Variants in GALNT5 observed in about 807,000 individuals in gnomAD.
The protein encoded by GALNT5 is polypeptide N-acetylgalactosaminyltransferase 5, also known as UDP-GalNAc:polypeptide N-acetylgalactosaminyltransferase 5.
GALNT5 carries 72 observed loss-of-function variants against 85.4 expected under a neutral mutation model. The ratio of observed to expected loss-of-function variants is 0.84; its 90% confidence interval spans 0.70 to 1.03. GALNT5 has a LOEUF of 1.03. Among genes scored for constraint, GALNT5 ranks in the 50% least tolerant of loss-of-function variants. The probability of loss-of-function intolerance (pLI) is 0.00; values close to 1 mark genes in which losing one functional copy is unlikely to be tolerated. For synonymous variants in GALNT5, 404 were observed against 397.0 expected (o/e 1.02, Z -0.21); for missense variants, 1,137 against 1,135.5 (o/e 1.00, Z -0.02).
intron 3 of GALNT5, among the ~76,000 whole-genome samples, chr2:157,294,402 C>T (rs1295266105): frequency 2.0e-5 from 3 of 152,086 alleles, no homozygotes; most frequent in South Asian, 2.1e-4. Flanking sequence ...AGTAAGAAAG[C>T]GAAAGGCTAG....
intron 1 of GALNT5, among the ~76,000 whole-genome samples, chr2:157,265,180 T>A (rs754707530): frequency 1.1e-4 from 17 of 152,198 alleles, no homozygotes; most frequent in Non-Finnish European, 2.5e-4. Context: ...CACAGTACTC[T>A]TTTTCACTCA....
At chr2:157,259,949 A>C (rs1682301729) in intron 1 of GALNT5, among the ~76,000 whole-genome samples, 1 of 152,234 alleles carries the variant, frequency 6.6e-6, no homozygotes, top group African/African-American at 2.4e-5. Context: ...TTTGGGAAAG[A>C]AGCACACAGA....
Position 157,311,387 on chromosome 2 carries a change from A to T in GALNT5, c.*39A>T. The T allele has an allele frequency of 1.5e-6, 2 of 1,331,790 alleles. No individual in the cohort carries two copies. The highest frequency in any genetic ancestry group is 2.1e-6 in the Non-Finnish European group (2 of 963,376). The allele number at this position is 1,331,790 out of a possible 1,614,324, so 82.5% of individuals were successfully genotyped here. A position where few individuals can be genotyped will look rare whatever the true frequency, so the allele number is the denominator to read the frequency against. On this transcript the variant is annotated 3_prime_UTR_variant, in exon 10 of 10. Transcript: ENST00000259056. ...TTTTTATATAGTAAACCCATTAAAT[A>T]CTGTGAAAATAACACTGAACTTGGA...
chr2:157,266,585 T>TTG (rs571376073), intron 1 of GALNT5, among the ~76,000 whole-genome samples: 3 of 152,110 alleles, frequency 2.0e-5, no homozygotes, highest in Non-Finnish European at 2.9e-5. Context: ...GTGTGTGTGT[T>TTG]TGTGTGTGTG....
chr2:157,268,890 T>C (rs917193584), intron 1 of GALNT5, among the ~76,000 whole-genome samples: 13 of 152,160 alleles, frequency 8.5e-5, no homozygotes, highest in African/African-American at 1.7e-4. Flanking sequence ...AGAATATAAA[T>C]GTGATTTCTT....
intron 1 of GALNT5, among the ~76,000 whole-genome samples, chr2:157,264,408 T>C (rs761067722): frequency 2.6e-5 from 4 of 152,224 alleles, no homozygotes; most frequent in Non-Finnish European, 5.9e-5. Context: ...ACAATAAGAA[T>C]TCTGGCGTGC....
intron 4 of GALNT5, among the ~76,000 whole-genome samples, chr2:157,296,074 A>G (rs1683208240): frequency 6.6e-6 from 1 of 152,106 alleles, no homozygotes; most frequent in South Asian, 2.1e-4. Flanking sequence ...CTGAACCCCA[A>G]ATATTTATTT....
chr2:157,268,846 C>A (rs182200558), intron 1 of GALNT5, among the ~76,000 whole-genome samples: 1 of 152,068 alleles, frequency 6.6e-6, no homozygotes, highest in Non-Finnish European at 1.5e-5. Context: ...CCAGTAGACT[C>A]TAAATACCTA....
chr2:157,291,457 T>C (rs1225238388), intron 3 of GALNT5, among the ~76,000 whole-genome samples: 5 of 152,188 alleles, frequency 3.3e-5, no homozygotes, highest in African/African-American at 7.2e-5. Flanking sequence ...GGAGGCATTA[T>C]GTAAAATTAA....
chr2:157,262,971 G>A (rs1167050627), intron 1 of GALNT5, among the ~76,000 whole-genome samples: 2 of 150,930 alleles, frequency 1.3e-5, no homozygotes, highest in African/African-American at 2.5e-5. Flanking sequence ...GGGACTACAG[G>A]CACCCGCCAC....
intron 2 of GALNT5, 72 bp from the exon 3 acceptor site, chr2:157,285,943 G>T: frequency 9.2e-7 from 1 of 1,082,212 alleles, no homozygotes. Flanking sequence ...ATTTGACTTT[G>T]GGGAGCACTT....
chr2:157,269,200 G>A (rs982351803), intron 1 of GALNT5, among the ~76,000 whole-genome samples: 3 of 152,124 alleles, frequency 2.0e-5, no homozygotes, highest in African/African-American at 4.8e-5. Flanking sequence ...AAAGCTTTGC[G>A]GGGGTTTCCC....
chr2:157,262,591 T>C (rs1053754204), intron 1 of GALNT5, among the ~76,000 whole-genome samples: 9 of 149,218 alleles, frequency 6.0e-5, no homozygotes, highest in Non-Finnish European at 1.2e-4. Flanking sequence ...TGAACCAAGA[T>C]TGTGCCACTA....
chr2:157,289,764 C>T (rs1683054684), intron 3 of GALNT5, among the ~76,000 whole-genome samples: 1 of 151,994 alleles, frequency 6.6e-6, no homozygotes, highest in African/African-American at 2.4e-5. Flanking sequence ...AAACACAAAC[C>T]CATTTTTATT....
rs1259152885 is a variant in GALNT5 at position 157,313,139 on chromosome 2, G to A, written c.*1791G>A. The A allele has an allele frequency of 6.6e-6, 1 of 152,118 alleles. No homozygotes were observed. The highest frequency in any genetic ancestry group is 1.5e-5 in the Non-Finnish European group (1 of 67,998). The allele number at this position is 152,118 out of a possible 1,614,324, so 9.4% of individuals were successfully genotyped here. A position where few individuals can be genotyped will look rare whatever the true frequency, so the allele number is the denominator to read the frequency against. On this transcript the variant is annotated 3_prime_UTR_variant, in exon 10 of 10. Transcript: ENST00000259056. ...TTATATGACACATAATGATGTTTTA[G>A]TCAACAATGAACCACATATTTGACA...
In GALNT5 at chr2:157,315,784, T is replaced by C. The variant is rs1018624653; in HGVS notation, c.*4436T>C. On this transcript the variant is annotated 3_prime_UTR_variant, in exon 10 of 10. Coordinates refer to ENST00000259056, the MANE Select transcript of GALNT5 (RefSeq NM_014568.3). ...GCTCCATTTTCTGGGGAAATACCCATGGTTCATTGTCTGATGCCAAGAAAG... is the reference window on the plus strand; with the variant it reads ...GCTCCATTTTCTGGGGAAATACCCACGGTTCATTGTCTGATGCCAAGAAAG... Among the ~76,000 whole-genome samples, 3 of 152,178 alleles carry C rather than the reference T, an allele frequency of 2.0e-5. No homozygotes were observed. The highest frequency in any genetic ancestry group is 4.4e-5 in the Non-Finnish European group (3 of 68,018).
chr2:157,307,538 G>A (rs1253218149), intron 8 of GALNT5, among the ~76,000 whole-genome samples: 3 of 152,166 alleles, frequency 2.0e-5, no homozygotes, highest in Admixed American at 2.0e-4. Context: ...TGAATCACCT[G>A]GGGAGTTTGT....
rs567337139 is a variant in GALNT5 at position 157,315,977 on chromosome 2, C to T, written c.*4629C>T. ...GATTTCATACAGAGGCTTGAGGAGG[C>T]GGTGATTGATATACATAGGGCCCGG... On this transcript the variant is annotated 3_prime_UTR_variant, in exon 10 of 10. Transcript: ENST00000259056. Among the ~76,000 whole-genome samples, 297 of 152,164 alleles carry T rather than the reference C, an allele frequency of 2.0e-3. 1 individual carries two copies. The highest frequency in any genetic ancestry group is 2.9e-3 in the Non-Finnish European group (198 of 67,974).
In GALNT5 at chr2:157,280,603, A is replaced by C. The variant is rs562073264; in HGVS notation, c.1455-3679A>C. Among the ~76,000 whole-genome samples the C allele has an allele frequency of 4.6e-5, 7 of 152,342 alleles. 1 individual carries two copies. Among genetic ancestry groups the C allele is most frequent in the African/African-American group, 1.4e-4 (6 of 41,580 alleles). ...GAAACTAATATAAATTTTGGTATCAAGGAGTGAGGTGCTGCTATAACAAGT... is the reference window on the plus strand; with the variant it reads ...GAAACTAATATAAATTTTGGTATCACGGAGTGAGGTGCTGCTATAACAAGT... On this transcript the variant is annotated intron_variant, in intron 1 of 9. Coordinates refer to ENST00000259056, the MANE Select transcript of GALNT5 (RefSeq NM_014568.3).
Sources: gnomAD v4.1 joint callset for allele counts (sites outside exome capture counted in the v4.1 genomes callset) on GRCh38, gnomAD v4.1.1 for gene constraint, MANE v1.5 for transcripts, NCBI Gene and HGNC (gene_info 2026-07-23, HGNC 2026-07-21) for gene names.